The following CEP170B variants were observed in gnomAD, a reference collection of about 807,000 sequenced individuals.
CEP170B encodes the protein centrosomal protein 170B, also known as centrosomal protein of 170 kDa protein B.
A neutral mutation model predicts 120.6 loss-of-function variants in CEP170B; 55 were observed. The ratio of observed to expected loss-of-function variants is 0.46; its 90% confidence interval spans 0.37 to 0.57. The LOEUF (loss-of-function observed/expected upper bound fraction) is 0.57, where lower values mean the gene tolerates loss of function less well. Ranked by LOEUF, CEP170B falls within the 20% of genes least tolerant of loss-of-function variation. CEP170B has a pLI of 0.00. For synonymous variants in CEP170B, 1,033 were observed against 954.5 expected (o/e 1.08, Z -1.52); for missense variants, 2,212 against 2,253.3 (o/e 0.98, Z 0.37).
chr14:104,886,743 G>A lies in CEP170B; in HGVS notation c.2504G>A (p.Gly835Asp), dbSNP rs1566867702. The A allele has an allele frequency of 5.0e-6, 8 of 1,609,900 alleles. No homozygotes were observed. The highest frequency in any genetic ancestry group is 6.8e-6 in the Non-Finnish European group (8 of 1,178,338). Residue 835 changes from glycine (G) to aspartate (D), a missense_variant, in exon 12 of 19, where the codon GGC becomes GAC. By Grantham distance (94) the Gly-to-Asp change is moderately conservative (BLOSUM62 -1). This residue lies in a region of CEP170B where 2,166 missense variants were observed against 2,166.7 expected (regional missense o/e 1.00). Transcript: ENST00000414716. ...TAQPSPPARD[G>D]VYVSANGRMV... ...CAGCCCAGCCCCCCAGCACGGGATGGCGTCTATGTCAGTGCCAATGGGAGA... is the reference window on the plus strand; with the variant it reads ...CAGCCCAGCCCCCCAGCACGGGATGACGTCTATGTCAGTGCCAATGGGAGA...
At position 104,896,646 on chromosome 14, in the gene CEP170B, A is replaced by G. The variant is rs1440835836; in HGVS notation, c.*1688A>G. The G allele has an allele frequency of 6.6e-6, 3 of 455,326 alleles. No individual in the cohort carries two copies. The highest frequency in any genetic ancestry group is 2.4e-5 in the Admixed American group (1 of 42,512). 28.2% of individuals were successfully genotyped at this position (455,326 alleles called of 1,614,324 possible). On this transcript the variant is annotated 3_prime_UTR_variant, in exon 19 of 19. Transcript: ENST00000414716. ...GGGCTTCTCGGAGGGTTCACTGTAC[A>G]TTCGTTCTCAGGTGGTCTTGTGGCT...
In CEP170B at chr14:104,891,991, G is replaced by A. The variant is rs1896872729; in HGVS notation, c.3879-985G>A. Among the ~76,000 whole-genome samples the A allele has an allele frequency of 6.6e-6, 1 of 152,170 alleles. No homozygotes were observed. Among genetic ancestry groups the A allele is most frequent in the Non-Finnish European group, 1.5e-5 (1 of 68,010 alleles). On this transcript the variant is annotated intron_variant, in intron 13 of 18. Transcript: ENST00000414716. This position sits in a 1 kb window ranked among gnomAD's most constrained non-coding sequence, Gnocchi z 4.3. ...GGGGTGTTTCTCTGGTCGTGCCAGTGTCTGGCGAGGGTTGTGGTGCCGCTG... is the reference window on the plus strand; with the variant it reads ...GGGGTGTTTCTCTGGTCGTGCCAGTATCTGGCGAGGGTTGTGGTGCCGCTG...
chr14:104,885,634 C>G (rs1047348749), intron 10 of CEP170B, 92 bp downstream of exon 10: 6 of 1,450,976 alleles, frequency 4.1e-6, no homozygotes, highest in East Asian at 2.5e-5. Flanking sequence ...CCCCATGGGG[C>G]GAGACTGGAC....
Position 104,887,146 on chromosome 14 carries a change from C to G in CEP170B, c.2907C>G (p.Ser969Arg). 3 of 1,609,514 alleles carry G rather than the reference C, an allele frequency of 1.9e-6. No individual in the cohort carries two copies. Among genetic ancestry groups the G allele is most frequent in the Non-Finnish European group, 2.5e-6 (3 of 1,179,712 alleles). The change falls in exon 12 of 19, where the codon AGC becomes AGG. Residue 969 changes from serine (S) to arginine (R), a missense_variant. Transcript: ENST00000414716. Reference protein sequence around the residue: ...ASTVSLRSGKSGPSPTTPQPL... With the variant: ...ASTVSLRSGKRGPSPTTPQPL... The stretch of plus-strand genomic sequence containing the variant: ...CCGTCAGCCTGCGTAGTGGCAAGAG[C>G]GGGCCCAGCCCCACAACCCCCCAGC...
rs778420508 is a variant in CEP170B, at chr14:104,887,931, G to C, written c.3692G>C (p.Arg1231Pro). The C allele has an allele frequency of 6.5e-7, 1 of 1,544,086 alleles. No individual in the cohort carries two copies. Among genetic ancestry groups the C allele is most frequent in the Admixed American group, 1.9e-5 (1 of 52,620 alleles). ...AACACAGCCACCACCACGGGTCCCC[G>C]CCAGCCCTTCAGCAGGGCCCGCTCA... is the stretch of plus-strand genomic sequence containing the variant. Reference protein sequence around the residue: ...AANTATTTGPRQPFSRARSGS... With the variant: ...AANTATTTGPPQPFSRARSGS... The change falls in exon 12 of 19, where the codon CGC becomes CCC. Residue 1231 changes from arginine to proline, a missense_variant. This residue lies in a region of CEP170B where 2,166 missense variants were observed against 2,166.7 expected (regional missense o/e 1.00). Transcript: ENST00000414716.
Position 104,895,770 on chromosome 14 carries a change from C to T in CEP170B, c.*812C>T, listed in dbSNP as rs774148090. 1 of 152,500 alleles carries T rather than the reference C, an allele frequency of 6.6e-6. No individual in the cohort carries two copies. The highest frequency in any genetic ancestry group is 2.4e-5 in the African/African-American group (1 of 41,590). The allele number at this position is 152,500 out of a possible 1,614,324, so 9.4% of individuals were successfully genotyped here. A position where few individuals can be genotyped will look rare whatever the true frequency, so the allele number is the denominator to read the frequency against. ...GCTATGGGCCTCTGTAGGTGGGCTT[C>T]CAAGGTCCTGGGTGCAGCCGGGTGC... On this transcript the variant is annotated 3_prime_UTR_variant, in exon 19 of 19. Transcript: ENST00000414716.
intron 5 of CEP170B, 101 bp downstream of exon 5, chr14:104,878,602 G>C: frequency 1.5e-6 from 2 of 1,316,088 alleles, no homozygotes; most frequent in Non-Finnish European, 2.1e-6. Flanking sequence ...CACTCACCAG[G>C]CCTCTGGGGC....
At position 104,878,465 on chromosome 14, in the gene CEP170B, G is replaced by A. The variant is rs1423334860; in HGVS notation, c.297G>A (p.Glu99=). The A allele has an allele frequency of 1.9e-6, 3 of 1,612,394 alleles. No homozygotes were observed. Among genetic ancestry groups the A allele is most frequent in the East Asian group, 2.2e-5 (1 of 44,900 alleles). ...FGYDSNMYVL[E]RVQHRVPEEA... ...CACATTCCAACATGTATGTGCTGGA[G>A]CGTGTGCAGCACCGAGTCCCGGAGG... The change falls in exon 5 of 19, where the codon GAG becomes GAA. Residue 99 remains glutamate, a synonymous_variant. Transcript: ENST00000414716.
At chr14:104,894,204 A>G in intron 16 of CEP170B, 81 bp from the exon 17 acceptor site, 1 of 1,122,086 alleles carries the variant, frequency 8.9e-7, no homozygotes, top group South Asian at 1.3e-5. Context: ...ACCATGGCAG[A>G]GGAGGTCTGG....
rs756573091 is a variant in CEP170B at position 104,887,167 on chromosome 14, C to T, written c.2928C>T (p.Pro976=). The change falls in exon 12 of 19, where the codon CCC becomes CCT. Residue 976 remains proline (P), a synonymous_variant. Transcript: ENST00000414716. ...SGKSGPSPTT[P]QPLRAQKEMS... The stretch of plus-strand genomic sequence containing the variant: ...AGAGCGGGCCCAGCCCCACAACCCC[C>T]CAGCCTCTGCGGGCACAGAAGGAGA... The T allele has an allele frequency of 1.6e-5, 26 of 1,608,262 alleles. No individual in the cohort carries two copies. The highest frequency in any genetic ancestry group is 2.2e-5 in the Non-Finnish European group (26 of 1,179,732).
intron 4 of CEP170B, 130 bp from the exon 5 acceptor site, chr14:104,878,313 C>A: frequency 1.1e-6 from 1 of 917,722 alleles, no homozygotes. Context: ...CTGTGCCTCC[C>A]CGGGAAGAAA....
rs377580927 is a variant in CEP170B, at chr14:104,892,988, G to A, written c.3891G>A (p.Thr1297=). 1.8e-4 allele frequency: 279 copies of A among 1,568,502 alleles called. No individual in the cohort carries two copies. Among genetic ancestry groups the A allele is most frequent in the Non-Finnish European group, 2.1e-4 (246 of 1,157,902 alleles). Residue 1297 remains threonine (T), a synonymous_variant, in exon 14 of 19, where the codon ACG becomes ACA. Transcript: ENST00000414716. ...CTGCCGGCTGCAGGCTGAGCCAGAC[G>A]CTGGTGAAGGACGTGGCCATCCTAG... is the stretch of plus-strand genomic sequence containing the variant. ...EIAEIARLSQ[T]LVKDVAILAQ... is the part of the protein sequence containing the mutation.
At chr14:104,877,412 T>C (rs1162039398) in intron 3 of CEP170B, among the ~76,000 whole-genome samples, 1 of 152,018 alleles carries the variant, frequency 6.6e-6, no homozygotes, top group Admixed American at 6.5e-5. Context: ...GTGGGACTGG[T>C]GCATCAACAC....
intron 2 of CEP170B, among the ~76,000 whole-genome samples, chr14:104,872,441 G>A (rs1226218785): frequency 4.6e-5 from 6 of 129,866 alleles, no homozygotes; most frequent in Non-Finnish European, 9.5e-5. Flanking sequence ...GTGTGCGTGT[G>A]TGTGCCATGT....
At chr14:104,875,823 G>T (rs1216427525) in intron 2 of CEP170B, among the ~76,000 whole-genome samples, 1 of 152,204 alleles carries the variant, frequency 6.6e-6, no homozygotes, top group Non-Finnish European at 1.5e-5. Flanking sequence ...AGCACTTGGA[G>T]TGGGAGCACC....
intron 2 of CEP170B, among the ~76,000 whole-genome samples, chr14:104,872,144 C>T (rs539638574): frequency 4.1e-5 from 6 of 144,592 alleles, no homozygotes; most frequent in African/African-American, 7.8e-5. Context: ...CGTGTGTGTG[C>T]CGTGTGTGTG....
At position 104,882,748 on chromosome 14, in the gene CEP170B, C is replaced by T; in HGVS notation, c.493C>T (p.Pro165Ser). 1 of 1,612,236 alleles carries T rather than the reference C, an allele frequency of 6.2e-7. No individual in the cohort carries two copies. The highest frequency in any genetic ancestry group is 2.2e-5 in the East Asian group (1 of 44,870). Residue 165 changes from proline to serine, a missense_variant, in exon 7 of 19, where the codon CCC (proline) becomes TCC (serine). Coordinates refer to ENST00000414716, the MANE Select transcript of CEP170B (RefSeq NM_001112726.3). Reference sequence around the variant, plus strand: ...CACAGAGGCAGCCTCTTACCGCACACCCCTGTATGGGCAGCCCTCCTGGTG... The same window carrying T: ...CACAGAGGCAGCCTCTTACCGCACATCCCTGTATGGGCAGCCCTCCTGGTG... ...PGTEAASYRT[P>S]LYGQPSWWGE...
chr14:104,868,654 G>C lies in CEP170B; in HGVS notation c.105+99G>C. The stretch of plus-strand genomic sequence containing the variant: ...CACCCCACTTGCTGCAGGCCACCCT[G>C]GCGAGGAGGCCGCCATGCAGCCCAG... On this transcript the variant is annotated intron_variant, in intron 2 of 18. Coordinates refer to ENST00000414716, the MANE Select transcript of CEP170B (RefSeq NM_001112726.3). This position sits in a 1 kb window ranked among gnomAD's most constrained non-coding sequence, Gnocchi z 5.9. 8.6e-7 allele frequency: 1 copy of C among 1,168,790 alleles called. No homozygotes were observed. Among genetic ancestry groups the C allele is most frequent in the Non-Finnish European group, 1.2e-6 (1 of 834,580 alleles). The allele number at this position is 1,168,790 out of a possible 1,614,324, so 72.4% of individuals were successfully genotyped here. A position where few individuals can be genotyped will look rare whatever the true frequency, so the allele number is the denominator to read the frequency against.
At chr14:104,894,237 C>A in intron 16 of CEP170B, 48 bp from the exon 17 acceptor site, 1 of 1,407,070 alleles carries the variant, frequency 7.1e-7, no homozygotes, top group Non-Finnish European at 1.0e-6. Context: ...TCAGCTCTGT[C>A]ATCTCTGTCC....
Sources: gnomAD v4.1 joint callset for allele counts (sites outside exome capture counted in the v4.1 genomes callset) on GRCh38, gnomAD v4.1.1 for gene constraint, gnomAD v4.1.1 regional missense constraint, Gnocchi (gnomAD v3.1) non-coding constraint, MANE v1.5 for transcripts, NCBI Gene and HGNC (gene_info 2026-07-23, HGNC 2026-07-21) for gene names.